WDR35: variants seen among roughly 807,000 people sequenced by gnomAD.
WDR35 encodes WD repeat domain 35.
WDR35 carries 118 observed loss-of-function variants against 158.3 expected under a neutral mutation model. The ratio of observed to expected loss-of-function variants is 0.75; its 90% CI spans 0.64 to 0.87. The LOEUF (loss-of-function observed/expected upper bound fraction) is 0.87, where lower values mean the gene tolerates loss of function less well. WDR35 is among the 40% of genes least tolerant of loss of function. The pLI is 0.00. For missense variants in WDR35, 1,263 were observed against 1,405.8 expected (o/e 0.90, Z 1.62); for synonymous variants, 448 against 476.1 (o/e 0.94, Z 0.77).
intron 6 of WDR35, among the ~76,000 whole-genome samples, chr2:19,975,191 G>T (rs972030154): frequency 6.6e-6 from 1 of 152,052 alleles, no homozygotes; most frequent in African/African-American, 2.4e-5. Flanking sequence ...GTAAACTTTG[G>T]CTTCAGACAC....
At chr2:19,932,806 C>G (rs1670565182) in intron 22 of WDR35, among the ~76,000 whole-genome samples, 1 of 151,842 alleles carries the variant, frequency 6.6e-6, no homozygotes, top group Non-Finnish European at 1.5e-5. Context: ...TGAAAATGTC[C>G]TATCAGATTT....
chr2:19,911,719 C>G lies in WDR35; in HGVS notation c.*1839G>C, dbSNP rs565390123. The stretch of plus-strand genomic sequence containing the variant: ...AAAGGAGCAAGAGATACCAAATATT[C>G]ATGAAGCACTAAAAATATGAAAAGC... On this transcript the variant is annotated 3_prime_UTR_variant, in exon 27 of 27. Transcript: ENST00000281405. 1 of 152,306 alleles carries G rather than the reference C, an allele frequency of 6.6e-6. No homozygotes were observed. Among genetic ancestry groups the G allele is most frequent in the South Asian group, 2.1e-4 (1 of 4,824 alleles). 9.4% of individuals were successfully genotyped at this position (152,306 alleles called of 1,614,324 possible).
chr2:19,950,599 C>T (rs532409684), intron 13 of WDR35, among the ~76,000 whole-genome samples: 9 of 152,202 alleles, frequency 5.9e-5, no homozygotes, highest in South Asian at 2.1e-4. Flanking sequence ...CCTGTTAAAG[C>T]GACTGTTTCT....
At chr2:19,948,886 C>A (rs151105152) in intron 13 of WDR35, among the ~76,000 whole-genome samples, 96 of 151,726 alleles carry the variant, frequency 6.3e-4, no homozygotes, top group African/African-American at 2.1e-3. Context: ...TGCACTCCAG[C>A]CTGGGCAACA....
At chr2:19,987,052 C>T (rs180934026) in intron 2 of WDR35, among the ~76,000 whole-genome samples, 13 of 152,116 alleles carry the variant, frequency 8.5e-5, no homozygotes, top group African/African-American at 3.1e-4. Flanking sequence ...ATATTAATAC[C>T]AATATAATGA....
At chr2:19,941,976 C>A in intron 16 of WDR35, 137 bp from the exon 17 acceptor site, 1 of 615,670 alleles carries the variant, frequency 1.6e-6, no homozygotes. Flanking sequence ...ATACCCATAA[C>A]CTAAATAATT....
At position 19,953,959 on chromosome 2, in the gene WDR35, C is replaced by T. The variant is rs1239442531; in HGVS notation, c.1275G>A (p.Met425Ile). ...AGGCTGCTATCACATGGGTTTTGGT[C>T]ATTGCAACAAACAATGGTACTGTTA... ...YIDIVPLFVA[M>I]TKTHVIAASK... Residue 425 changes from methionine (M) to isoleucine (I), a missense_variant, in exon 12 of 27, where the codon ATG (methionine) becomes ATA (isoleucine). By Grantham distance (10) the Met-to-Ile change is conservative (BLOSUM62 1). Coordinates refer to ENST00000281405, the MANE Select transcript of WDR35 (RefSeq NM_020779.4). The T allele has an allele frequency of 6.2e-7, 1 of 1,614,092 alleles. No homozygotes were observed.
intron 10 of WDR35, among the ~76,000 whole-genome samples, chr2:19,962,903 T>C (rs769672147): frequency 3.9e-5 from 6 of 152,202 alleles, no homozygotes; most frequent in Non-Finnish European, 1.5e-5. Flanking sequence ...CAGTTATACA[T>C]GCTAGTAGTT....
At chr2:19,941,368 A>T (rs1039006454) in intron 17 of WDR35, among the ~76,000 whole-genome samples, 4 of 152,242 alleles carry the variant, frequency 2.6e-5, no homozygotes, top group Admixed American at 1.3e-4. Flanking sequence ...CTAAACTCTT[A>T]AATATTTCTT....
intron 16 of WDR35, among the ~76,000 whole-genome samples, chr2:19,942,217 T>A (rs1670902402): frequency 6.6e-6 from 1 of 152,200 alleles, no homozygotes; most frequent in South Asian, 2.1e-4. Flanking sequence ...TAATAAAAAG[T>A]CATATAGCTT....
chr2:19,932,565 G>T, intron 22 of WDR35, 118 bp from the exon 23 acceptor site: 2 of 1,268,210 alleles, frequency 1.6e-6, no homozygotes, highest in Non-Finnish European at 2.2e-6. Context: ...TTAAAAACTG[G>T]TATGTTTTAA....
chr2:19,985,580 T>TA (rs532102922), intron 2 of WDR35, among the ~76,000 whole-genome samples: 1,868 of 116,518 alleles, frequency 0.016, 35 homozygotes, highest in Non-Finnish European at 0.024. Context: ...CTGGTCCCTT[T>TA]AAAAAAAAAA....
chr2:19,960,667 G>A, intron 10 of WDR35, 53 bp from the exon 11 acceptor site: 2 of 1,310,442 alleles, frequency 1.5e-6, no homozygotes, highest in Middle Eastern at 1.8e-4. Flanking sequence ...GAATAATAAA[G>A]GAAATATGCT....
At chr2:19,955,299 C>T (rs1280939244) in intron 11 of WDR35, among the ~76,000 whole-genome samples, 1 of 152,170 alleles carries the variant, frequency 6.6e-6, no homozygotes, top group Non-Finnish European at 1.5e-5. Context: ...TCCCAAGTCC[C>T]TTCCTAAGGA....
At chr2:19,951,365 T>C (rs1671230316) in intron 13 of WDR35, 50 bp downstream of exon 13, 2 of 1,409,506 alleles carry the variant, frequency 1.4e-6, no homozygotes, top group Non-Finnish European at 2.0e-6. Context: ...AATTATAATA[T>C]TTCAAATCTA....
chr2:19,975,591 ACTT>A lies in WDR35; in HGVS notation c.506_508del (p.Lys169_Val170delinsIle). 6.2e-7 allele frequency: 1 copy of A among 1,614,062 alleles called. No individual in the cohort carries two copies. The highest frequency in any genetic ancestry group is 1.1e-5 in the South Asian group (1 of 91,078). ...CCCATTTGCCATTCCAAAAAGTAAG[ACTT>A]TACTGTCCGCAGACCATGTTACATG... is the stretch of plus-strand genomic sequence containing the variant. On this transcript the variant is annotated inframe_deletion, in exon 6 of 27. Coordinates refer to ENST00000281405, the MANE Select transcript of WDR35 (RefSeq NM_020779.4).
intron 17 of WDR35, among the ~76,000 whole-genome samples, chr2:19,941,535 A>G (rs990327097): frequency 3.3e-5 from 5 of 152,228 alleles, no homozygotes; most frequent in African/African-American, 1.2e-4. Context: ...TTATAAAGGC[A>G]ATAACTGAGA....
At chr2:19,923,020 C>T (rs1670227345) in intron 25 of WDR35, among the ~76,000 whole-genome samples, 1 of 152,226 alleles carries the variant, frequency 6.6e-6, no homozygotes, top group Non-Finnish European at 1.5e-5. Flanking sequence ...CCCTTTATTT[C>T]AGCCCATTCC....
At chr2:19,930,620 C>T (rs902401831) in intron 24 of WDR35, 68 bp from the exon 25 acceptor site, 44 of 1,602,930 alleles carry the variant, frequency 2.7e-5, no homozygotes, top group Non-Finnish European at 3.4e-5. Flanking sequence ...TCCCAAATAA[C>T]AACAGTCATT....
Sources: gnomAD v4.1 joint callset for allele counts (sites outside exome capture counted in the v4.1 genomes callset) on GRCh38, gnomAD v4.1.1 for gene constraint, MANE v1.5 for transcripts, NCBI Gene and HGNC (gene_info 2026-07-23, HGNC 2026-07-21) for gene names.